SPTB: variants seen among roughly 807,000 people sequenced by gnomAD.
SPTB encodes spectrin beta, erythrocytic.
In SPTB, 45 loss-of-function variants were observed where a neutral mutation model predicts 256.2. The ratio of observed to expected loss-of-function variants is 0.18; its 90% CI spans 0.14 to 0.23. The LOEUF (loss-of-function observed/expected upper bound fraction) is 0.23, where lower values mean the gene tolerates loss of function less well. Among genes scored for constraint, SPTB ranks in the 10% least tolerant of loss-of-function variants. The probability of loss-of-function intolerance (pLI) is 1.00; values close to 1 mark genes in which losing one functional copy is unlikely to be tolerated. For missense variants in SPTB, 2,715 were observed against 3,040.4 expected (o/e 0.89, Z 2.52); for synonymous variants, 1,231 against 1,243.1 (o/e 0.99, Z 0.21).
chr14:64,813,880 T>C (rs1372302434), intron 2 of SPTB, among the ~76,000 whole-genome samples: 5 of 152,216 alleles, frequency 3.3e-5, no homozygotes, highest in African/African-American at 1.2e-4. Flanking sequence ...ATGACACAGA[T>C]GCCAATCCAT....
chr14:64,751,108 AATATATAATATTTAT>A (rs1566731386), intron 33 of SPTB, among the ~76,000 whole-genome samples: 1 of 146,318 alleles, frequency 6.8e-6, no homozygotes, highest in African/African-American at 2.5e-5. Flanking sequence ...TAATATATAT[AATATATAATATTTAT>A]ATATAATATA....
chr14:64,829,219 C>T (rs1251267367), intron 1 of SPTB, among the ~76,000 whole-genome samples: 2 of 152,072 alleles, frequency 1.3e-5, no homozygotes, highest in Non-Finnish European at 2.9e-5. Flanking sequence ...TACAGGAAAT[C>T]AAGATAAATA....
intron 32 of SPTB, chr14:64,763,806 G>C (rs2082127282): frequency 1.9e-6 from 1 of 518,896 alleles, no homozygotes; most frequent in Non-Finnish European, 3.8e-6. Context: ...AATGTAAAAA[G>C]GCAAGAGGTG....
At chr14:64,876,859 G>A (rs577177177) in intron 1 of SPTB, among the ~76,000 whole-genome samples, 1 of 152,320 alleles carries the variant, frequency 6.6e-6, no homozygotes, top group Admixed American at 6.5e-5. Flanking sequence ...ACTTCAGGAA[G>A]TAAACCATAT....
intron 1 of SPTB, among the ~76,000 whole-genome samples, chr14:64,869,831 T>C (rs1302093025): frequency 6.8e-6 from 1 of 147,328 alleles, no homozygotes; most frequent in Non-Finnish European, 1.5e-5. Flanking sequence ...GGTCTTGCTA[T>C]GTTGTCCAGG....
chr14:64,814,201 T>G (rs989428972), intron 2 of SPTB, among the ~76,000 whole-genome samples: 1 of 152,164 alleles, frequency 6.6e-6, no homozygotes. Context: ...CCCAGCTACT[T>G]GGGAGGCTGA....
intron 20 of SPTB, among the ~76,000 whole-genome samples, chr14:64,780,517 G>A (rs182618166): frequency 1.2e-3 from 189 of 152,332 alleles, no homozygotes; most frequent in Non-Finnish European, 1.9e-3. Context: ...GGGTTCAAGT[G>A]ATTCTCCTGC....
chr14:64,789,318 C>G (rs2082628675), intron 15 of SPTB, among the ~76,000 whole-genome samples: 1 of 152,148 alleles, frequency 6.6e-6, no homozygotes, highest in Non-Finnish European at 1.5e-5. Flanking sequence ...TACCACTGCA[C>G]TCCAGCCTGG....
At chr14:64,869,786 C>CTTT (rs34132510) in intron 1 of SPTB, among the ~76,000 whole-genome samples, 1 of 133,242 alleles carries the variant, frequency 7.5e-6, no homozygotes, top group Admixed American at 7.8e-5. Flanking sequence ...CGATGCCCTG[C>CTTT]TTTTTTTTTT....
chr14:64,774,763 T>G (rs1426026082), intron 23 of SPTB, among the ~76,000 whole-genome samples: 3 of 152,186 alleles, frequency 2.0e-5, no homozygotes, highest in Non-Finnish European at 4.4e-5. Flanking sequence ...CTTCCTTTTG[T>G]GCTCTAACCC....
At chr14:64,784,156 C>T in intron 19 of SPTB, 91 bp downstream of exon 19, 1 of 1,589,542 alleles carries the variant, frequency 6.3e-7, no homozygotes, top group Admixed American at 1.7e-5. Flanking sequence ...TGTCAGCAAG[C>T]TTTAGGACAG....
intron 2 of SPTB, among the ~76,000 whole-genome samples, chr14:64,818,137 G>A (rs1038529856): frequency 6.6e-6 from 1 of 152,198 alleles, no homozygotes; most frequent in Admixed American, 6.5e-5. Context: ...AAACCTGAGT[G>A]GGCAACACAA....
At chr14:64,817,116 T>C (rs546073615) in intron 2 of SPTB, among the ~76,000 whole-genome samples, 27 of 152,278 alleles carry the variant, frequency 1.8e-4, no homozygotes, top group Non-Finnish European at 3.5e-4. Flanking sequence ...AGAGGAAGAA[T>C]AGCTTTTATC....
intron 1 of SPTB, among the ~76,000 whole-genome samples, chr14:64,859,084 C>T (rs2083917882): frequency 6.6e-6 from 1 of 151,750 alleles, no homozygotes; most frequent in Non-Finnish European, 1.5e-5. Flanking sequence ...CATGGCAAAA[C>T]CCCATCTCTA....
At position 64,827,928 on chromosome 14, in the gene SPTB, G is replaced by C. The variant is rs1281853363; in HGVS notation, c.-51-4783C>G. Among the ~76,000 whole-genome samples the C allele has an allele frequency of 6.6e-6, 1 of 152,090 alleles. No homozygotes were observed. The highest frequency in any genetic ancestry group is 2.1e-4 in the South Asian group (1 of 4,820). ...GGCCCAGATAAGCATGCCACCTATG[G>C]GTGACCTTTCCAGTCGATGGACACC... On this transcript the variant is annotated intron_variant, in intron 1 of 35. Transcript: ENST00000644917. This position sits in a 1 kb window ranked among gnomAD's most constrained non-coding sequence, Gnocchi z 4.6.
chr14:64,861,156 G>A (rs1465478923), intron 1 of SPTB, among the ~76,000 whole-genome samples: 1 of 152,036 alleles, frequency 6.6e-6, no homozygotes, highest in Non-Finnish European at 1.5e-5. Flanking sequence ...CATTGAGAAC[G>A]CATGGACACA....
rs200008682 is a variant in SPTB, at chr14:64,815,018, A to G, written c.148+7929T>C. Among the ~76,000 whole-genome samples the G allele has an allele frequency of 2.3e-3, 272 of 117,490 alleles. 2 individuals are homozygous for G. Among genetic ancestry groups the G allele is most frequent in the African/African-American group, 0.01 (257 of 25,594 alleles). The allele number at this position is 117,490 out of a possible 152,430, so 77.1% of individuals were successfully genotyped here. On this transcript the variant is annotated intron_variant, in intron 2 of 35. Coordinates refer to ENST00000644917, the MANE Select transcript of SPTB (RefSeq NM_001355436.2). ...TCAGGTGGCAACTGGCAAGGTGTGTATGTGTGTGTGTGCATGTAAGCAGGT... is the reference window on the plus strand; with the variant it reads ...TCAGGTGGCAACTGGCAAGGTGTGTGTGTGTGTGTGTGCATGTAAGCAGGT...
intron 3 of SPTB, 116 bp from the exon 4 acceptor site, chr14:64,803,896 C>T: frequency 9.1e-7 from 1 of 1,095,932 alleles, no homozygotes; most frequent in East Asian, 2.6e-5. Flanking sequence ...TGGCCAAACA[C>T]CAAGTCCCAT....
intron 1 of SPTB, among the ~76,000 whole-genome samples, chr14:64,857,188 ACTG>A: frequency 6.6e-6 from 1 of 152,118 alleles, no homozygotes; most frequent in Non-Finnish European, 1.5e-5. Context: ...CCTCAAATGA[ACTG>A]CTGAAGTCTT....
Sources: gnomAD v4.1 joint callset for allele counts (sites outside exome capture counted in the v4.1 genomes callset) on GRCh38, gnomAD v4.1.1 for gene constraint, Gnocchi (gnomAD v3.1) non-coding constraint, MANE v1.5 for transcripts, NCBI Gene and HGNC (gene_info 2026-07-23, HGNC 2026-07-21) for gene names.